The following RTL4 variants were observed in gnomAD, a reference collection of about 807,000 sequenced individuals.
RTL4 encodes retrotransposon Gag-like protein 4.
A neutral mutation model predicts 5.3 loss-of-function variants in RTL4; 4 were observed. The observed-to-expected ratio is 0.75, with a 90% CI of 0.37 to 1.72. The LOEUF is 1.72. RTL4 is among the 40% of genes most tolerant of loss of function. The pLI, the probability that RTL4 is intolerant of heterozygous loss-of-function variation, is 0.04. For missense variants in RTL4, 260 were observed against 227.1 expected (o/e 1.14, Z -0.93); for synonymous variants, 98 against 87.3 (o/e 1.12, Z -0.68).
At chrX:112,340,465 G>A in the RTL4 span, among the ~76,000 whole-genome samples, 1 of 109,752 alleles carries the variant, frequency 9.1e-6, no homozygotes, top group Admixed American at 9.9e-5. Flanking sequence ...TATTCAGAGC[G>A]ATTATTAAGT....
At chrX:112,399,234 G>T in the RTL4 span, among the ~76,000 whole-genome samples, 264 of 111,414 alleles carry the variant, frequency 2.4e-3, no homozygotes, top group African/African-American at 8.3e-3. Flanking sequence ...GAAGAATCTG[G>T]CTAAAGGTTT....
the RTL4 span, among the ~76,000 whole-genome samples, chrX:112,212,286 A>G: frequency 4.5e-5 from 5 of 111,664 alleles, no homozygotes; most frequent in Non-Finnish European, 9.4e-5. Flanking sequence ...CTGAGGCAGG[A>G]GAATGGCGTG....
At chrX:112,094,733 T>G in the RTL4 span, among the ~76,000 whole-genome samples, 3 of 111,557 alleles carry the variant, frequency 2.7e-5, no homozygotes, top group Non-Finnish European at 5.7e-5. Context: ...GGGAAGAATG[T>G]TTCAAGAGAG....
chrX:112,161,326 CTTG>C, the RTL4 span, among the ~76,000 whole-genome samples: 1 of 111,436 alleles, frequency 9.0e-6, no homozygotes, highest in Non-Finnish European at 1.9e-5. Context: ...TGACATTGTC[CTTG>C]TTGTTGCTAA....
At chrX:112,252,808 A>G in the RTL4 span, among the ~76,000 whole-genome samples, 1 of 111,207 alleles carries the variant, frequency 9.0e-6, no homozygotes, top group South Asian at 3.8e-4. Flanking sequence ...ATAGAACCAC[A>G]GAAAATAAGA....
chrX:112,346,609 C>T, the RTL4 span, among the ~76,000 whole-genome samples: 38,069 of 109,795 alleles, frequency 0.35, 6,617 homozygotes, highest in African/African-American at 0.67. Context: ...CAGATTGGTG[C>T]CTTCTCTGAA....
the RTL4 span, among the ~76,000 whole-genome samples, chrX:112,273,336 C>T: frequency 2.8e-5 from 3 of 108,834 alleles, no homozygotes; most frequent in East Asian, 2.9e-4. Context: ...TCACTGCAAG[C>T]TCCGCCTCCC....
the RTL4 span, among the ~76,000 whole-genome samples, chrX:112,197,268 A>AT: frequency 9.2e-6 from 1 of 108,804 alleles, no homozygotes; most frequent in African/African-American, 3.3e-5. Context: ...GAAGAGAGGG[A>AT]TAGGTCCTTA....
chrX:112,437,817 G>A, the RTL4 span, among the ~76,000 whole-genome samples: 4 of 62,858 alleles, frequency 6.4e-5, no homozygotes, highest in Non-Finnish European at 1.3e-4. Flanking sequence ...GGTGGTGGTG[G>A]TGGTGGTGGT....
the RTL4 span, among the ~76,000 whole-genome samples, chrX:112,364,898 A>G: frequency 8.9e-6 from 1 of 111,903 alleles, no homozygotes; most frequent in Non-Finnish European, 1.9e-5. Flanking sequence ...CAATTCAACA[A>G]ATATTTAGTG....
the RTL4 span, among the ~76,000 whole-genome samples, chrX:112,325,311 A>G: frequency 8.9e-6 from 1 of 111,848 alleles, no homozygotes; most frequent in African/African-American, 3.2e-5. Context: ...TTTAAAGTTC[A>G]TATGGAATCA....
At chrX:112,139,828 C>T in the RTL4 span, among the ~76,000 whole-genome samples, 2 of 111,822 alleles carry the variant, frequency 1.8e-5, no homozygotes, top group African/African-American at 6.5e-5. Flanking sequence ...ATCATGAGTG[C>T]AGTTTCCCCC....
chrX:112,282,546 C>T, the RTL4 span, among the ~76,000 whole-genome samples: 1 of 111,695 alleles, frequency 9.0e-6, no homozygotes, highest in Non-Finnish European at 1.9e-5. Context: ...TGTGAATTTT[C>T]ATAGGGTATG....
At chrX:112,350,653 T>C in the RTL4 span, among the ~76,000 whole-genome samples, 9 of 111,811 alleles carry the variant, frequency 8.0e-5, no homozygotes, top group Non-Finnish European at 1.5e-4. Flanking sequence ...TTTATTTGCG[T>C]AGAGGTGTTT....
chrX:112,200,661 G>A, the RTL4 span, among the ~76,000 whole-genome samples: 26 of 111,983 alleles, frequency 2.3e-4, no homozygotes, highest in African/African-American at 7.8e-4. Flanking sequence ...ACCTGAATGG[G>A]GCTGATTTGA....
At chrX:112,401,283 C>T in the RTL4 span, among the ~76,000 whole-genome samples, 1 of 111,012 alleles carries the variant, frequency 9.0e-6, no homozygotes, top group Admixed American at 9.6e-5. Context: ...CCTCCACTCA[C>T]CCCATAATCT....
At chrX:112,228,559 T>G in the RTL4 span, among the ~76,000 whole-genome samples, 3 of 112,076 alleles carry the variant, frequency 2.7e-5, no homozygotes, top group Non-Finnish European at 5.6e-5. Context: ...CACTTAAAAT[T>G]TGCTCCCTTA....
At chrX:112,414,015 T>C in the RTL4 span, among the ~76,000 whole-genome samples, 1 of 111,168 alleles carries the variant, frequency 9.0e-6, no homozygotes, top group Non-Finnish European at 1.9e-5. Flanking sequence ...TAAAAAATAG[T>C]AACTACCTCA....
the RTL4 span, among the ~76,000 whole-genome samples, chrX:112,207,063 A>C: frequency 1.3e-3 from 145 of 111,841 alleles, no homozygotes; most frequent in African/African-American, 4.6e-3. Flanking sequence ...AATCTAGTTC[A>C]AGTTACCATC....
Sources: gnomAD v4.1 joint callset for allele counts (sites outside exome capture counted in the v4.1 genomes callset) on GRCh38, gnomAD v4.1.1 for gene constraint, MANE v1.5 for transcripts, NCBI Gene and HGNC (gene_info 2026-07-23, HGNC 2026-07-21) for gene names.